Variants in ACAT1 observed in about 807,000 individuals in gnomAD.
ACAT1 encodes the protein acetyl-CoA acetyltransferase, mitochondrial.
A neutral mutation model predicts 47.3 loss-of-function variants in ACAT1; 28 were observed. That is an observed-to-expected ratio of 0.59 (90% CI 0.44 to 0.81). ACAT1 has a LOEUF of 0.81. Among genes scored for constraint, ACAT1 ranks in the 30% least tolerant of loss-of-function variants. The probability of loss-of-function intolerance (pLI) is 0.00; values close to 1 mark genes in which losing one functional copy is unlikely to be tolerated. For missense variants in ACAT1, 469 were observed against 524.3 expected, an observed-to-expected ratio of 0.89 and a Z score of 1.03; for synonymous variants, 181 against 173.6, an observed-to-expected ratio of 1.04 and a Z score of -0.34.
Position 108,141,701 on chromosome 11 carries a change from G to T in ACAT1, c.826+1G>T, listed in dbSNP as rs727503796. ...AAGACAGTTTTCCAGAAAGAAAATG[G>T]TTAGTGTTAAGAAATGAAGCATAAG... On this transcript the variant is annotated splice_donor_variant, in intron 8 of 11. Coordinates refer to ENST00000265838, the MANE Select transcript of ACAT1 (RefSeq NM_000019.4). LOFTEE classifies it high-confidence loss of function. 1.1e-5 allele frequency: 18 copies of T among 1,607,802 alleles called. No homozygotes were observed. The highest frequency in any genetic ancestry group is 1.5e-5 in the Non-Finnish European group (18 of 1,174,824).
At position 108,146,224 on chromosome 11, in the gene ACAT1, A is replaced by T; in HGVS notation, c.1028A>T (p.Lys343Ile). The change falls in exon 11 of 12, where the codon AAA becomes ATA. Residue 343 changes from lysine (K) to isoleucine (I), a missense_variant. Coordinates refer to ENST00000265838, the MANE Select transcript of ACAT1 (RefSeq NM_000019.4). ...AAGGTTCTTAAAGATGTGGGATTGA[A>T]AAAAGAAGATATTGCAATGTGGGAA... The part of the protein sequence containing the change: ...ASMVLKDVGL[K>I]KEDIAMWEVN... 6.2e-7 allele frequency: 1 copy of T among 1,613,188 alleles called. No individual in the cohort carries two copies. Among genetic ancestry groups the T allele is most frequent in the Non-Finnish European group, 8.5e-7 (1 of 1,179,360 alleles).
chr11:108,133,480 G>T (rs2135333158), intron 2 of ACAT1, among the ~76,000 whole-genome samples: 1 of 152,182 alleles, frequency 6.6e-6, no homozygotes, highest in Middle Eastern at 3.4e-3. Context: ...GCAAGACCCT[G>T]TCTCAAAAAC....
intron 1 of ACAT1, among the ~76,000 whole-genome samples, chr11:108,127,195 G>A (rs1247088201): frequency 1.1e-4 from 17 of 151,640 alleles, no homozygotes; most frequent in Non-Finnish European, 1.5e-5. Flanking sequence ...GCGCTTGGGT[G>A]TGAGTCTGGT....
chr11:108,142,533 C>T lies in ACAT1; in HGVS notation c.923C>T (p.Pro308Leu), dbSNP rs1325367132. The T allele has an allele frequency of 6.2e-7, 1 of 1,613,930 alleles. No individual in the cohort carries two copies. Among genetic ancestry groups the T allele is most frequent in the Admixed American group, 1.7e-5 (1 of 59,996 alleles). Residue 308 changes from proline (P) to leucine (L), a missense_variant, in exon 9 of 12, where the codon CCA becomes CTA. By Grantham distance (98) the Pro-to-Leu change is moderately conservative. Coordinates refer to ENST00000265838, the MANE Select transcript of ACAT1 (RefSeq NM_000019.4). The part of the protein sequence containing the change: ...ADAAKRLNVT[P>L]LARIVAFADA... ...GCAGCGAAGAGGCTCAATGTTACAC[C>T]ACTGGCAAGAATAGTAGGTAAGGCC...
intron 7 of ACAT1, 76 bp downstream of exon 7, chr11:108,140,291 G>A: frequency 6.4e-7 from 1 of 1,559,416 alleles, no homozygotes; most frequent in African/African-American, 1.4e-5. Context: ...TTTAAATTAG[G>A]ACATTATCTT....
chr11:108,129,735 C>G (rs2135316991), intron 1 of ACAT1, among the ~76,000 whole-genome samples: 1 of 152,072 alleles, frequency 6.6e-6, no homozygotes, highest in East Asian at 1.9e-4. Flanking sequence ...AATGGTAGTT[C>G]TAGTTTTAGT....
At chr11:108,142,763 G>A (rs2077617308) in intron 9 of ACAT1, 1 of 531,818 alleles carries the variant, frequency 1.9e-6, no homozygotes, top group Admixed American at 2.8e-5. Flanking sequence ...CTTGAGCCCA[G>A]GAGTTTGAGG....
chr11:108,134,282 A>C lies in ACAT1; in HGVS notation c.300A>C (p.Gly100=). Residue 100 remains glycine (G), a synonymous_variant, in exon 4 of 12, where the codon GGA becomes GGC. Coordinates refer to ENST00000265838, the MANE Select transcript of ACAT1 (RefSeq NM_000019.4). ...YMGNVLQGGE[G]QAPTRQAVLG... ...GTAATGTTCTACAAGGAGGTGAAGGACAAGCTCCTACAAGGCAGGCAGTAT... is the reference window on the plus strand; with the variant it reads ...GTAATGTTCTACAAGGAGGTGAAGGCCAAGCTCCTACAAGGCAGGCAGTAT... 1 of 1,613,722 alleles carries C rather than the reference A, an allele frequency of 6.2e-7. No homozygotes were observed. The highest frequency in any genetic ancestry group is 8.5e-7 in the Non-Finnish European group (1 of 1,179,808).
upstream of ACAT1, among the ~76,000 whole-genome samples, chr11:108,119,641 TTCTCTCTC>T (rs35756586): frequency 1.3e-5 from 2 of 149,196 alleles, no homozygotes; most frequent in African/African-American, 2.5e-5. Flanking sequence ...AAATATCTGT[TTCTCTCTC>T]TCTCTCTCTC....
chr11:108,139,378 G>A (rs2077537509), intron 6 of ACAT1, among the ~76,000 whole-genome samples: 1 of 152,178 alleles, frequency 6.6e-6, no homozygotes, highest in South Asian at 2.1e-4. Context: ...ATCACCTGGG[G>A]TCAGGAGTTT....
rs368218740 is a variant in ACAT1, at chr11:108,132,593, A to G, written c.120+639A>G. ...CTCTGGGCCGGGTGCGGTGGCTCAC[A>G]CCTGTAATCCCAGCACTTTGGGAGG... On this transcript the variant is annotated intron_variant, in intron 2 of 11. Transcript: ENST00000265838. 2.0e-5 allele frequency among the ~76,000 whole-genome samples: 3 copies of G among 151,964 alleles called. No homozygotes were observed. The South Asian group carries it at 6.2e-4, about 32-fold the overall frequency.
chr11:108,130,037 T>C (rs1259703800), intron 1 of ACAT1, among the ~76,000 whole-genome samples: 2 of 152,194 alleles, frequency 1.3e-5, no homozygotes, highest in African/African-American at 4.8e-5. Context: ...TGGTGTGCCA[T>C]GGTCTATTTC....
At position 108,146,231 on chromosome 11, in the gene ACAT1, A is replaced by T. The variant is rs1565297755; in HGVS notation, c.1035A>T (p.Glu345Asp). 1 of 1,613,336 alleles carries T rather than the reference A, an allele frequency of 6.2e-7. No individual in the cohort carries two copies. Among genetic ancestry groups the T allele is most frequent in the South Asian group, 1.1e-5 (1 of 91,038 alleles). ...MVLKDVGLKK[E>D]DIAMWEVNEA... is the part of the protein sequence containing the mutation. ...TTAAAGATGTGGGATTGAAAAAAGA[A>T]GATATTGCAATGTGGGAAGTAAATG... Residue 345 changes from glutamate to aspartate, a missense_variant, in exon 11 of 12, where the codon GAA (glutamate) becomes GAT (aspartate). Physicochemically the swap from Glu to Asp is conservative, Grantham distance 45. Coordinates refer to ENST00000265838, the MANE Select transcript of ACAT1 (RefSeq NM_000019.4).
Position 108,145,219 on chromosome 11 carries a change from A to G in ACAT1, c.1006-983A>G, listed in dbSNP as rs185779950. Among the ~76,000 whole-genome samples, 64 of 152,354 alleles carry G rather than the reference A, an allele frequency of 4.2e-4. 2 individuals carry two copies. In the East Asian group the frequency reaches 0.012, roughly 28 times the overall value. The stretch of plus-strand genomic sequence containing the variant: ...AGGAACTACCAAAACAAAACAGATC[A>G]TATAGTGTAAGATTTTAAATAAATG... On this transcript the variant is annotated intron_variant, in intron 10 of 11. Transcript: ENST00000265838.
At chr11:108,141,396 T>C (rs539444043) in intron 7 of ACAT1, among the ~76,000 whole-genome samples, 36 of 97,576 alleles carry the variant, frequency 3.7e-4, no homozygotes, top group African/African-American at 1.4e-3. Flanking sequence ...AAAAAAAAAA[T>C]TGTGAAGCTA....
chr11:108,138,275 G>A (rs752264137), intron 5 of ACAT1, among the ~76,000 whole-genome samples: 20 of 151,000 alleles, frequency 1.3e-4, no homozygotes, highest in Non-Finnish European at 2.4e-4. Context: ...GTGAGCCACC[G>A]TGCCCAGCCA....
rs545826042 is a variant in ACAT1, at chr11:108,133,839, C to G, written c.140C>G (p.Ala47Gly). 2.5e-6 allele frequency: 4 copies of G among 1,613,968 alleles called. No homozygotes were observed. The highest frequency in any genetic ancestry group is 3.4e-6 in the Non-Finnish European group (4 of 1,179,960). The change falls in exon 3 of 12, where the codon GCT becomes GGT. Residue 47 changes from alanine (A) to glycine (G), a missense_variant. Physicochemically the swap from Ala to Gly is moderately conservative, Grantham distance 60. Transcript: ENST00000265838. ...TGCCAGGAAGTGGTCATAGTAAGTGCTACAAGAACACCCATTGGATCTTTT... is the reference window on the plus strand; with the variant it reads ...TGCCAGGAAGTGGTCATAGTAAGTGGTACAAGAACACCCATTGGATCTTTT... ...PTLKEVVIVS[A>G]TRTPIGSFLG... is the part of the protein sequence containing the mutation.
At chr11:108,135,943 C>T (rs185412280) in intron 5 of ACAT1, 14 of 431,924 alleles carry the variant, frequency 3.2e-5, no homozygotes, top group Admixed American at 8.3e-5. Flanking sequence ...AAGGAGAACA[C>T]GGTGCTTAAC....
Position 108,147,457 on chromosome 11 carries a change from C to CG in ACAT1, c.*67_*68insG. 6.3e-7 allele frequency: 1 copy of CG among 1,590,706 alleles called. No individual in the cohort carries two copies. On this transcript the variant is annotated 3_prime_UTR_variant, in exon 12 of 12. Coordinates refer to ENST00000265838, the MANE Select transcript of ACAT1 (RefSeq NM_000019.4). ...AGGCCTGCTGTAATCAGTGTGACTA[C>CG]TGTGGGTCAGCTTATATTCAGATAA...
Sources: allele counts gnomAD v4.1 joint callset (sites outside exome capture counted in the v4.1 genomes callset), GRCh38; gene constraint gnomAD v4.1.1; transcripts MANE v1.5; gene names NCBI Gene and HGNC (gene_info 2026-07-23, HGNC 2026-07-21).